Variants in ANO3 observed in about 807,000 individuals in gnomAD.
The protein encoded by ANO3 is anoctamin-3.
Under a neutral mutation model 144.8 loss-of-function variants are expected in ANO3, and 99 were observed. The ratio of observed to expected loss-of-function variants is 0.68; its 90% CI spans 0.58 to 0.81. ANO3 has a LOEUF of 0.81. Ranked by LOEUF, ANO3 falls within the 30% of genes least tolerant of loss-of-function variation. ANO3 has a pLI of 0.00. For missense variants in ANO3, 905 were observed against 1,202.2 expected, an observed-to-expected ratio of 0.75 and a Z score of 3.66; for synonymous variants, 414 against 392.6, an observed-to-expected ratio of 1.05 and a Z score of -0.64.
chr11:26,313,416 G>T (rs969164933), intron 1 of ANO3, among the ~76,000 whole-genome samples: 1 of 152,206 alleles, frequency 6.6e-6, no homozygotes, highest in African/African-American at 2.4e-5. Context: ...GCCAGGCATG[G>T]TGGCTCACGC....
chr11:26,321,282 C>T (rs544934040), intron 1 of ANO3, among the ~76,000 whole-genome samples: 4 of 151,996 alleles, frequency 2.6e-5, no homozygotes, highest in East Asian at 1.9e-4. Flanking sequence ...GATAGACTTC[C>T]GTAACATTTT....
intron 17 of ANO3, among the ~76,000 whole-genome samples, chr11:26,615,051 T>C (rs977034600): frequency 4.0e-5 from 6 of 151,366 alleles, no homozygotes; most frequent in African/African-American, 9.7e-5. Context: ...TTTCGGATCA[T>C]TTGAATATTT....
intron 1 of ANO3, among the ~76,000 whole-genome samples, chr11:26,415,187 C>A (rs1050601602): frequency 6.6e-6 from 1 of 151,800 alleles, no homozygotes; most frequent in Non-Finnish European, 1.5e-5. Flanking sequence ...TGTCCTAAGG[C>A]CACTGTGTTG....
intron 1 of ANO3, among the ~76,000 whole-genome samples, chr11:26,225,611 T>C (rs900892323): frequency 2.0e-5 from 3 of 152,174 alleles, no homozygotes; most frequent in Non-Finnish European, 4.4e-5. Context: ...CTTCATTTCA[T>C]TAAAGTAGTT....
chr11:26,250,957 T>C (rs1564934111), intron 1 of ANO3, among the ~76,000 whole-genome samples: 1 of 152,158 alleles, frequency 6.6e-6, no homozygotes, highest in African/African-American at 2.4e-5. Flanking sequence ...TCTAGCAACA[T>C]AGCACACTGT....
Position 26,516,851 on chromosome 11 carries a change from A to G in ANO3, c.616A>G (p.Met206Val). 6.2e-7 allele frequency: 1 copy of G among 1,611,648 alleles called. No individual in the cohort carries two copies. The highest frequency in any genetic ancestry group is 8.5e-7 in the Non-Finnish European group (1 of 1,178,250). The change falls in exon 6 of 27, where the codon ATG becomes GTG. Residue 206 changes from methionine (M) to valine (V), a missense_variant. Physicochemically the swap from Met to Val is conservative, Grantham distance 21. This residue lies in a region of ANO3 where 63 missense variants were observed against 107.3 expected (regional missense o/e 0.59). Coordinates refer to ENST00000256737, the MANE Select transcript of ANO3 (RefSeq NM_031418.4). ...GCCAGCTATTGCAAGCCCCGATATC[A>G]TGTTTATTAAAATTCACATTCCATG... The part of the protein sequence containing the change: ...KEPAIASPDI[M>V]FIKIHIPWDT...
chr11:26,236,613 C>T (rs988187196), intron 1 of ANO3, among the ~76,000 whole-genome samples: 98 of 151,938 alleles, frequency 6.4e-4, no homozygotes, highest in African/African-American at 1.4e-3. Flanking sequence ...GGTCAGGAGA[C>T]CAAGACCATC....
At position 26,379,856 on chromosome 11, in the gene ANO3, TG is replaced by T. The variant is rs201636666; in HGVS notation, c.46+47537del. On this transcript the variant is annotated intron_variant, in intron 1 of 26. Coordinates refer to ENST00000256737, the MANE Select transcript of ANO3 (RefSeq NM_031418.4). ...TGGTAGTAGAGTTGAAAGAACTAGGTGGTGAATTGTTTTTAAGAGTGAGGGG... is the reference window on the plus strand; with the variant it reads ...TGGTAGTAGAGTTGAAAGAACTAGGTGTGAATTGTTTTTAAGAGTGAGGGG... 2.0e-5 allele frequency among the ~76,000 whole-genome samples: 3 copies of T among 151,988 alleles called. No individual in the cohort carries two copies. In the East Asian group the frequency reaches 5.8e-4, roughly 29 times the overall value.
intron 4 of ANO3, among the ~76,000 whole-genome samples, chr11:26,486,292 C>T (rs189046171): frequency 0.013 from 1,794 of 135,374 alleles, 36 homozygotes; most frequent in African/African-American, 0.047. Context: ...ACCTGGGAGG[C>T]GGAGGTTGCA....
chr11:26,389,533 C>T (rs1856822186), intron 1 of ANO3, among the ~76,000 whole-genome samples: 3 of 152,124 alleles, frequency 2.0e-5, no homozygotes, highest in East Asian at 1.9e-4. Context: ...GTGATCTGCT[C>T]ATTTTCAAAT....
chr11:26,438,507 G>A (rs539149965), intron 1 of ANO3, among the ~76,000 whole-genome samples: 2 of 146,908 alleles, frequency 1.4e-5, no homozygotes, highest in South Asian at 4.3e-4. Flanking sequence ...AGCACTTTAG[G>A]AGGCTGAGGC....
intron 14 of ANO3, among the ~76,000 whole-genome samples, chr11:26,594,345 C>T (rs960359350): frequency 1.3e-5 from 2 of 152,184 alleles, no homozygotes; most frequent in Non-Finnish European, 2.9e-5. Context: ...CAGAGATCAC[C>T]AAACTCTCGG....
intron 1 of ANO3, among the ~76,000 whole-genome samples, chr11:26,420,890 G>T (rs1419270031): frequency 2.6e-5 from 4 of 152,026 alleles, no homozygotes; most frequent in Admixed American, 1.3e-4. Flanking sequence ...AAAAATGAGA[G>T]TAGATATGAA....
intron 1 of ANO3, among the ~76,000 whole-genome samples, chr11:26,346,311 A>G (rs1855494380): frequency 6.6e-6 from 1 of 152,220 alleles, no homozygotes; most frequent in African/African-American, 2.4e-5. Context: ...AATTTTAGCA[A>G]AGTGTGGAGA....
chr11:26,591,697 A>T (rs1342854977), intron 14 of ANO3, among the ~76,000 whole-genome samples: 2 of 152,152 alleles, frequency 1.3e-5, no homozygotes, highest in Non-Finnish European at 2.9e-5. Flanking sequence ...GGGGTAAGAG[A>T]ACAGTAAAAA....
chr11:26,657,574 C>G (rs745994428), intron 26 of ANO3, among the ~76,000 whole-genome samples: 11 of 151,796 alleles, frequency 7.2e-5, no homozygotes, highest in Middle Eastern at 3.4e-3. Flanking sequence ...TTTTCTTCTT[C>G]TTTCACCACT....
intron 1 of ANO3, among the ~76,000 whole-genome samples, chr11:26,223,124 AT>A (rs1158425322): frequency 6.6e-6 from 1 of 151,768 alleles, no homozygotes; most frequent in African/African-American, 2.4e-5. Context: ...ATATGTTTCA[AT>A]TTTAAGTTGT....
chr11:26,359,537 C>T (rs950033761), intron 1 of ANO3, among the ~76,000 whole-genome samples: 1 of 152,024 alleles, frequency 6.6e-6, no homozygotes, highest in African/African-American at 2.4e-5. Flanking sequence ...GGGGACCTTG[C>T]AGATCTCTAG....
chr11:26,189,249 T>C (rs1377986210), exon 1 of ANO3: 2 of 985,224 alleles, frequency 2.0e-6, no homozygotes, highest in Non-Finnish European at 2.4e-6. Context: ...TTCCAACTCA[T>C]GTTTTGCTTT....
Sources: allele counts gnomAD v4.1 joint callset (sites outside exome capture counted in the v4.1 genomes callset), GRCh38; gene constraint gnomAD v4.1.1; regional missense constraint gnomAD v4.1.1; transcripts MANE v1.5; gene names NCBI Gene and HGNC (gene_info 2026-07-23, HGNC 2026-07-21).